TRAPPC9: variants seen among roughly 807,000 people sequenced by gnomAD.
The protein encoded by TRAPPC9 is IKK2 binding protein.
In TRAPPC9, 83 loss-of-function variants were observed where a neutral mutation model predicts 124.0. The ratio of observed to expected loss-of-function variants is 0.67; its 90% CI spans 0.56 to 0.80. The LOEUF (loss-of-function observed/expected upper bound fraction) is 0.80, where lower values mean the gene tolerates loss of function less well. Ranked by LOEUF, TRAPPC9 falls within the 30% of genes least tolerant of loss-of-function variation. The pLI is 0.00. For synonymous variants in TRAPPC9, 638 were observed against 617.5 expected (o/e 1.03, Z -0.49); for missense variants, 1,302 against 1,508.3 (o/e 0.86, Z 2.27).
rs578153609 is a variant in TRAPPC9 at position 140,289,163 on chromosome 8, GAT to G, written c.1855-1431_1855-1430del. Reference sequence around the variant, plus strand: ...ACATATATGTAGGCATATGGGTTTAGATATATATATAGTGTGTGTGTGTGTGT... The same window carrying G: ...ACATATATGTAGGCATATGGGTTTAGATATATATAGTGTGTGTGTGTGTGT... On this transcript the variant is annotated intron_variant, in intron 12 of 22. Coordinates refer to ENST00000438773, the MANE Select transcript of TRAPPC9 (RefSeq NM_001160372.4). Among the ~76,000 whole-genome samples the G allele has an allele frequency of 8.2e-5, 12 of 145,580 alleles. 1 individual carries two copies. In the Admixed American group the frequency reaches 8.4e-4, roughly 10 times the overall value.
At chr8:139,950,405 A>C (rs979909045) in intron 19 of TRAPPC9, among the ~76,000 whole-genome samples, 1 of 152,234 alleles carries the variant, frequency 6.6e-6, no homozygotes, top group Non-Finnish European at 1.5e-5. Flanking sequence ...GGCTGAGGGA[A>C]TTGAAGTTCA....
At chr8:139,906,445 C>T (rs1036036849) in intron 20 of TRAPPC9, among the ~76,000 whole-genome samples, 3 of 152,144 alleles carry the variant, frequency 2.0e-5, no homozygotes, top group Non-Finnish European at 2.9e-5. Context: ...GAGGAGTGCC[C>T]GGGGGTGCCC....
intron 17 of TRAPPC9, among the ~76,000 whole-genome samples, chr8:140,033,655 GTGGTTTTTT>G (rs1563706446): frequency 3.6e-5 from 2 of 55,444 alleles, no homozygotes; most frequent in African/African-American, 8.1e-5. Context: ...TCTTCATAAT[GTGGTTTTTT>G]TTTTTTTTTT....
At chr8:140,244,490 A>C (rs1249796366) in intron 16 of TRAPPC9, among the ~76,000 whole-genome samples, 1 of 152,236 alleles carries the variant, frequency 6.6e-6, no homozygotes, top group Non-Finnish European at 1.5e-5. Context: ...AAATTAAATA[A>C]TTAATTAATT....
At chr8:140,250,226 G>T (rs2064099407) in intron 16 of TRAPPC9, among the ~76,000 whole-genome samples, 1 of 152,082 alleles carries the variant, frequency 6.6e-6, no homozygotes, top group African/African-American at 2.4e-5. Flanking sequence ...AATAATGCCA[G>T]AAAAAAAGTG....
chr8:140,324,308 T>G (rs1402249462), intron 9 of TRAPPC9, among the ~76,000 whole-genome samples: 1 of 152,146 alleles, frequency 6.6e-6, no homozygotes, highest in Non-Finnish European at 1.5e-5. Context: ...AAGGGATGAA[T>G]GGACACATTT....
chr8:139,930,124 C>G (rs1482696300), intron 19 of TRAPPC9, among the ~76,000 whole-genome samples: 1 of 152,266 alleles, frequency 6.6e-6, no homozygotes, highest in African/African-American at 2.4e-5. Context: ...AACTTCACTT[C>G]TCTTATTTCT....
At chr8:140,263,352 G>A (rs1470455272) in intron 15 of TRAPPC9, among the ~76,000 whole-genome samples, 1 of 152,080 alleles carries the variant, frequency 6.6e-6, no homozygotes, top group East Asian at 1.9e-4. Context: ...TGCTCCCCAA[G>A]GCACAACACC....
intron 17 of TRAPPC9, among the ~76,000 whole-genome samples, chr8:140,081,028 GC>G (rs916477058): frequency 1.3e-5 from 2 of 152,150 alleles, no homozygotes; most frequent in Non-Finnish European, 2.9e-5. Flanking sequence ...AACCAGGAAA[GC>G]CCCCTCCTCC....
At chr8:139,913,848 C>T (rs1404054914) in intron 19 of TRAPPC9, 1 of 152,302 alleles carries the variant, frequency 6.6e-6, no homozygotes, top group East Asian at 1.9e-4. Flanking sequence ...CTCTATCCAC[C>T]TCTAATACTT....
In TRAPPC9 at chr8:140,022,611, G is replaced by C. The variant is rs918632251; in HGVS notation, c.2699+1326C>G. 9.2e-5 allele frequency among the ~76,000 whole-genome samples: 14 copies of C among 152,292 alleles called. 1 individual carries two copies. Among genetic ancestry groups the C allele is most frequent in the Admixed American group, 8.5e-4 (13 of 15,298 alleles). ...TTATTTATGTGGGCAACGGCAGCAG[G>C]AGATGAGGGGATGAGAGAGAAACAC... On this transcript the variant is annotated intron_variant, in intron 18 of 22. Transcript: ENST00000438773.
chr8:139,990,491 T>C (rs1837567138), intron 18 of TRAPPC9, among the ~76,000 whole-genome samples: 1 of 152,168 alleles, frequency 6.6e-6, no homozygotes, highest in South Asian at 2.1e-4. Context: ...AAGTAGGACT[T>C]TGTCAAAAGG....
chr8:140,427,406 T>C (rs964732556), intron 4 of TRAPPC9, among the ~76,000 whole-genome samples: 15 of 145,910 alleles, frequency 1.0e-4, no homozygotes, highest in Non-Finnish European at 1.3e-4. Flanking sequence ...CACACACACA[T>C]ACACACACAG....
chr8:139,787,146 T>C (rs1418821169), intron 21 of TRAPPC9, among the ~76,000 whole-genome samples: 2 of 152,170 alleles, frequency 1.3e-5, no homozygotes, highest in African/African-American at 2.4e-5. Flanking sequence ...GCCTTTCTTA[T>C]GAAAACACAG....
intron 11 of TRAPPC9, among the ~76,000 whole-genome samples, chr8:140,294,385 T>C (rs980872359): frequency 1.6e-4 from 25 of 152,136 alleles, no homozygotes; most frequent in East Asian, 5.8e-4. Flanking sequence ...AGACCACTCC[T>C]CACCACAAAT....
rs141539759 is a variant in TRAPPC9 at position 139,731,638 on chromosome 8, C to T, written c.3279+341G>A. ...GGCTGGAGCCTTTCCGTGGAAGGAGCGGCAGGCACGGGATGGGTGACAGTG... is the reference window on the plus strand; with the variant it reads ...GGCTGGAGCCTTTCCGTGGAAGGAGTGGCAGGCACGGGATGGGTGACAGTG... On this transcript the variant is annotated intron_variant, in intron 22 of 22. Coordinates refer to ENST00000438773, the MANE Select transcript of TRAPPC9 (RefSeq NM_001160372.4). 5.0e-3 allele frequency among the ~76,000 whole-genome samples: 756 copies of T among 152,100 alleles called. 10 individuals carry two copies. Among genetic ancestry groups the T allele is most frequent in the African/African-American group, 0.016 (677 of 41,488 alleles).
intron 21 of TRAPPC9, among the ~76,000 whole-genome samples, chr8:139,793,927 C>T (rs550416437): frequency 3.3e-5 from 5 of 152,234 alleles, no homozygotes; most frequent in Admixed American, 2.6e-4. Context: ...ATCATCCCTA[C>T]GACTTGAGCT....
At chr8:139,874,887 G>A (rs541329390) in intron 21 of TRAPPC9, among the ~76,000 whole-genome samples, 279 of 152,280 alleles carry the variant, frequency 1.8e-3, no homozygotes, top group Non-Finnish European at 2.9e-3. Flanking sequence ...CATAACCGGG[G>A]GCAGGGACAG....
chr8:139,882,979 T>C (rs1563890153), intron 21 of TRAPPC9, among the ~76,000 whole-genome samples: 2 of 152,170 alleles, frequency 1.3e-5, no homozygotes, highest in Non-Finnish European at 2.9e-5. Flanking sequence ...GGATTGAATG[T>C]CTCCTCCAAA....
Sources: allele counts gnomAD v4.1 joint callset (sites outside exome capture counted in the v4.1 genomes callset), GRCh38; gene constraint gnomAD v4.1.1; transcripts MANE v1.5; gene names NCBI Gene and HGNC (gene_info 2026-07-23, HGNC 2026-07-21).